Variants in NPSR1 observed in about 807,000 individuals in gnomAD.
NPSR1 encodes the protein neuropeptide S receptor.
Under a neutral mutation model 46.9 loss-of-function variants are expected in NPSR1, and 48 were observed. The observed-to-expected ratio is 1.02, with a 90% CI of 0.81 to 1.30. The LOEUF (loss-of-function observed/expected upper bound fraction) is 1.30. Ranked by LOEUF, NPSR1 falls within the 50% of genes most tolerant of loss-of-function variation. NPSR1 has a pLI of 0.00. For missense variants in NPSR1, 450 were observed against 449.5 expected (o/e 1.00, Z -0.01); for synonymous variants, 176 against 168.1 (o/e 1.05, Z -0.36).
chr7:34,860,514 ATTGTT>A (rs1791164373), intron 8 of NPSR1, among the ~76,000 whole-genome samples: 3 of 152,038 alleles, frequency 2.0e-5, no homozygotes, highest in African/African-American at 7.3e-5. Context: ...GAAAAGTGAC[ATTGTT>A]TTAACTTTAT....
intron 2 of NPSR1, among the ~76,000 whole-genome samples, chr7:34,725,447 T>C (rs11975122): frequency 0.13 from 19,084 of 152,204 alleles, 1,459 homozygotes; most frequent in Non-Finnish European, 0.17. Flanking sequence ...CAATTGAGGA[T>C]ACTGAAGGAC....
downstream of NPSR1, among the ~76,000 whole-genome samples, chr7:34,852,323 G>C (rs1457831142): frequency 6.6e-6 from 1 of 151,602 alleles, no homozygotes; most frequent in Non-Finnish European, 1.5e-5. Flanking sequence ...AAGAGAGAAA[G>C]AGAGAGAGAG....
intron 2 of NPSR1, among the ~76,000 whole-genome samples, chr7:34,746,896 G>C (rs1219752275): frequency 2.6e-5 from 4 of 152,094 alleles, no homozygotes; most frequent in African/African-American, 9.7e-5. Flanking sequence ...GGAGGCCGAG[G>C]CAGGTGGATC....
rs114669443 is a variant in NPSR1 at position 34,838,401 on chromosome 7, G to A, written c.757+3941G>A. ...CAGTTACCATTAGTGACCTCATCCC[G>A]AAATGAGGGCAGCTGGTATTCTCAG... On this transcript the variant is annotated intron_variant, in intron 6 of 8. Transcript: ENST00000360581. 1.0e-2 allele frequency among the ~76,000 whole-genome samples: 1,516 copies of A among 152,164 alleles called. 20 individuals are homozygous for A. The highest frequency in any genetic ancestry group is 0.033 in the African/African-American group (1,368 of 41,496).
At chr7:34,658,939 C>T (rs1791320968) in intron 1 of NPSR1, among the ~76,000 whole-genome samples, 1 of 152,080 alleles carries the variant, frequency 6.6e-6, no homozygotes. Flanking sequence ...GCTAGGAACA[C>T]CAGAGATGCG....
At chr7:34,777,373 T>C (rs888358713) in intron 2 of NPSR1, among the ~76,000 whole-genome samples, 1 of 152,102 alleles carries the variant, frequency 6.6e-6, no homozygotes, top group African/African-American at 2.4e-5. Flanking sequence ...AGCACTAAGT[T>C]CAATGCCTCA....
intron 6 of NPSR1, among the ~76,000 whole-genome samples, chr7:34,843,287 G>T (rs985641142): frequency 6.6e-6 from 1 of 152,174 alleles, no homozygotes; most frequent in East Asian, 1.9e-4. Flanking sequence ...CTTGCAACTG[G>T]CAAAGGTCAT....
At chr7:34,690,947 T>G (rs1793220099) in intron 2 of NPSR1, among the ~76,000 whole-genome samples, 1 of 152,052 alleles carries the variant, frequency 6.6e-6, no homozygotes, top group Non-Finnish European at 1.5e-5. Context: ...AAAGTCAACA[T>G]GAAGGAAAAA....
intron 2 of NPSR1, among the ~76,000 whole-genome samples, chr7:34,777,273 C>T (rs1787006794): frequency 2.0e-5 from 3 of 152,070 alleles, no homozygotes; most frequent in African/African-American, 7.2e-5. Flanking sequence ...TTGGTGATTT[C>T]CTTTTGGCTA....
intron 8 of NPSR1, among the ~76,000 whole-genome samples, chr7:34,877,593 C>G (rs111669719): frequency 0.018 from 2,789 of 152,266 alleles, 48 homozygotes; most frequent in South Asian, 0.059. Context: ...TCCACCCACT[C>G]GAGGAGTCCA....
intron 2 of NPSR1, among the ~76,000 whole-genome samples, chr7:34,747,034 G>C (rs1026455082): frequency 6.6e-6 from 1 of 151,470 alleles, no homozygotes; most frequent in Admixed American, 6.6e-5. Flanking sequence ...CTGAGGCAGG[G>C]GAGTCACTTG....
intron 3 of NPSR1, among the ~76,000 whole-genome samples, chr7:34,797,779 A>C (rs2128746323): frequency 6.6e-6 from 1 of 152,306 alleles, no homozygotes; most frequent in East Asian, 1.9e-4. Context: ...TCCTGATAGA[A>C]GTTGAGGGGG....
At chr7:34,664,653 G>C (rs755180240) in intron 1 of NPSR1, among the ~76,000 whole-genome samples, 1 of 151,476 alleles carries the variant, frequency 6.6e-6, no homozygotes, top group Non-Finnish European at 1.5e-5. Context: ...TGTAGAATAA[G>C]ATATAGATAT....
At chr7:34,872,255 G>A (rs1791474394) in intron 8 of NPSR1, among the ~76,000 whole-genome samples, 1 of 151,980 alleles carries the variant, frequency 6.6e-6, no homozygotes, top group Admixed American at 6.5e-5. Context: ...TGAAGCCAGA[G>A]TGGCCAGGAT....
intron 3 of NPSR1, among the ~76,000 whole-genome samples, chr7:34,790,950 ATGT>A: frequency 1.0e-5 from 1 of 96,580 alleles, no homozygotes; most frequent in Non-Finnish European, 2.2e-5. Context: ...TATATCATAT[ATGT>A]TATATGTTAT....
At chr7:34,684,439 C>T (rs1193513418) in intron 1 of NPSR1, 113 bp from the exon 2 acceptor site, 2 of 991,498 alleles carry the variant, frequency 2.0e-6, no homozygotes, top group Non-Finnish European at 3.1e-6. Flanking sequence ...AGTAGAGCTT[C>T]CAAAAGTAGG....
At chr7:34,699,227 C>A (rs371452436) in intron 2 of NPSR1, among the ~76,000 whole-genome samples, 3 of 152,240 alleles carry the variant, frequency 2.0e-5, no homozygotes. Flanking sequence ...CGCCTATAAT[C>A]CCAGCACTTT....
intron 1 of NPSR1, among the ~76,000 whole-genome samples, chr7:34,678,426 A>T (rs912684807): frequency 1.3e-5 from 2 of 151,976 alleles, no homozygotes; most frequent in African/African-American, 4.8e-5. Context: ...TAAGGCATTA[A>T]CATGCTTCTC....
intron 8 of NPSR1, among the ~76,000 whole-genome samples, chr7:34,876,856 A>C (rs1791587423): frequency 6.6e-6 from 1 of 152,240 alleles, no homozygotes; most frequent in Non-Finnish European, 1.5e-5. Context: ...ATGCTCTGAC[A>C]GCAGAAAAAG....
Sources: allele counts gnomAD v4.1 joint callset (sites outside exome capture counted in the v4.1 genomes callset), GRCh38; gene constraint gnomAD v4.1.1; transcripts MANE v1.5; gene names NCBI Gene and HGNC (gene_info 2026-07-23, HGNC 2026-07-21).